The following MERTK variants were observed in gnomAD, a reference collection of about 807,000 sequenced individuals.
The protein encoded by MERTK is MER proto-oncogene, tyrosine kinase.
Under a neutral mutation model 99.3 loss-of-function variants are expected in MERTK, and 69 were observed. That is an observed-to-expected ratio of 0.70 (90% CI 0.57 to 0.85). The LOEUF is 0.85. Ranked by LOEUF, MERTK falls within the 40% of genes least tolerant of loss-of-function variation. The pLI is 0.00. For synonymous variants in MERTK, 426 were observed against 467.6 expected (o/e 0.91, Z 1.15); for missense variants, 1,125 against 1,249.4 (o/e 0.90, Z 1.50).
chr2:111,935,273 C>G (rs182529300), intron 2 of MERTK, among the ~76,000 whole-genome samples: 203 of 152,300 alleles, frequency 1.3e-3, no homozygotes, highest in African/African-American at 4.7e-3. Context: ...GCAAGTTGGG[C>G]AGACCTGGTC....
intron 17 of MERTK, 126 bp from the exon 18 acceptor site, chr2:112,022,132 T>C: frequency 1.5e-6 from 2 of 1,337,776 alleles, no homozygotes; most frequent in African/African-American, 1.4e-5. Context: ...GCAGTGCGTC[T>C]CACACATAAT....
At chr2:111,929,851 T>G (rs1419302742) in intron 2 of MERTK, among the ~76,000 whole-genome samples, 1 of 151,940 alleles carries the variant, frequency 6.6e-6, no homozygotes, top group Non-Finnish European at 1.5e-5. Flanking sequence ...TCCGGCCACC[T>G]AGGCCTCCCA....
At chr2:111,902,105 G>C (rs1035993570) in intron 1 of MERTK, among the ~76,000 whole-genome samples, 1 of 152,026 alleles carries the variant, frequency 6.6e-6, no homozygotes, top group Admixed American at 6.6e-5. Context: ...GGTTGGTCTC[G>C]AACTCCCAAC....
Position 112,029,187 on chromosome 2 carries a change from T to G in MERTK, c.*323T>G. On this transcript the variant is annotated 3_prime_UTR_variant, in exon 19 of 19. Coordinates refer to ENST00000295408, the MANE Select transcript of MERTK (RefSeq NM_006343.3). Reference sequence around the variant, plus strand: ...TAACATTTGTACAGAGTTGAAGTTGTTTTTTCAAGTTCTTTTCTTTTTCAT... The same window carrying G: ...TAACATTTGTACAGAGTTGAAGTTGGTTTTTCAAGTTCTTTTCTTTTTCAT... 9.9e-7 allele frequency: 1 copy of G among 1,014,376 alleles called. No homozygotes were observed. 62.8% of individuals were successfully genotyped at this position (1,014,376 alleles called of 1,614,324 possible).
At chr2:111,953,127 G>A (rs1685087031) in intron 4 of MERTK, among the ~76,000 whole-genome samples, 1 of 152,190 alleles carries the variant, frequency 6.6e-6, no homozygotes, top group Admixed American at 6.5e-5. Context: ...GCTTCTGAAT[G>A]TGGGTGTGCA....
At chr2:111,975,496 A>G (rs372879468) in intron 7 of MERTK, 24 bp downstream of exon 7, 12 of 1,609,918 alleles carry the variant, frequency 7.5e-6, no homozygotes, top group African/African-American at 6.7e-5. Flanking sequence ...TTCAGAATGT[A>G]TATTGCCCCC....
chr2:111,905,032 G>C (rs980693742), intron 1 of MERTK, among the ~76,000 whole-genome samples: 1 of 152,238 alleles, frequency 6.6e-6, no homozygotes, highest in Non-Finnish European at 1.5e-5. Flanking sequence ...TAAAAATGCA[G>C]CCTGGCAGGG....
intron 1 of MERTK, among the ~76,000 whole-genome samples, chr2:111,919,995 A>G (rs921114989): frequency 6.6e-6 from 1 of 151,858 alleles, no homozygotes; most frequent in Non-Finnish European, 1.5e-5. Flanking sequence ...CCCACTCTCC[A>G]TGCTGCTCTA....
At chr2:111,909,269 A>G (rs1457442322) in intron 1 of MERTK, among the ~76,000 whole-genome samples, 1 of 152,214 alleles carries the variant, frequency 6.6e-6, no homozygotes, top group Admixed American at 6.5e-5. Flanking sequence ...TAAGTTAAAT[A>G]TTAAAAGCTA....
At chr2:111,987,930 T>C (rs1676520679) in intron 8 of MERTK, among the ~76,000 whole-genome samples, 1 of 152,120 alleles carries the variant, frequency 6.6e-6, no homozygotes, top group Non-Finnish European at 1.5e-5. Context: ...GGTATAGATC[T>C]TGGAAGTCTC....
At chr2:112,019,154 G>C (rs1677279658) in intron 15 of MERTK, among the ~76,000 whole-genome samples, 1 of 152,106 alleles carries the variant, frequency 6.6e-6, no homozygotes, top group Non-Finnish European at 1.5e-5. Context: ...CTTCTAAAAA[G>C]AAACAATGTC....
chr2:111,903,246 A>G (rs1573557801), intron 1 of MERTK, among the ~76,000 whole-genome samples: 1 of 152,336 alleles, frequency 6.6e-6, no homozygotes, highest in East Asian at 1.9e-4. Context: ...ATGTCTTACC[A>G]GGTGCTCTTC....
At chr2:112,020,652 C>A (rs1256198375) in intron 16 of MERTK, 2 of 471,126 alleles carry the variant, frequency 4.2e-6, no homozygotes, top group South Asian at 3.1e-5. Context: ...GCTCTTACTG[C>A]AGGTAATTCC....
chr2:111,948,044 A>G (rs1243642531), intron 4 of MERTK, among the ~76,000 whole-genome samples: 1 of 152,034 alleles, frequency 6.6e-6, no homozygotes, highest in African/African-American at 2.4e-5. Context: ...ATCCAAATGA[A>G]AGTGGCCCAG....
chr2:112,006,451 A>G (rs1660222388), intron 13 of MERTK, among the ~76,000 whole-genome samples: 2 of 152,172 alleles, frequency 1.3e-5, no homozygotes, highest in African/African-American at 2.4e-5. Flanking sequence ...ACTGAGCCAT[A>G]TTCTGCACTG....
rs1021557500 is a variant in MERTK, at chr2:111,929,208, G to A, written c.150G>A (p.Leu50=). Residue 50 remains leucine (L), a synonymous_variant, in exon 2 of 19, where the codon CTG becomes CTA. Coordinates refer to ENST00000295408, the MANE Select transcript of MERTK (RefSeq NM_006343.3). ...PGSLQTDHTP[L]LSLPHASGYQ... ...GCCTGCAAACTGACCACACACCGCT[G>A]TTATCCCTTCCTCACGCCAGTGGGT... The A allele has an allele frequency of 6.2e-7, 1 of 1,614,170 alleles. No homozygotes were observed. The highest frequency in any genetic ancestry group is 8.5e-7 in the Non-Finnish European group (1 of 1,180,024).
At chr2:112,004,048 C>A in intron 13 of MERTK, 64 bp downstream of exon 13, 1 of 1,370,496 alleles carries the variant, frequency 7.3e-7, no homozygotes, top group African/African-American at 1.4e-5. Context: ...TTGGGTGCTC[C>A]ATGAGGCCAT....
chr2:111,993,065 G>A (rs529134303), intron 8 of MERTK, among the ~76,000 whole-genome samples: 3 of 152,268 alleles, frequency 2.0e-5, no homozygotes, highest in East Asian at 1.9e-4. Context: ...TGACTGATTG[G>A]TTTTTGGTAG....
At chr2:111,986,531 G>A (rs545163290) in intron 8 of MERTK, among the ~76,000 whole-genome samples, 1 of 152,236 alleles carries the variant, frequency 6.6e-6, no homozygotes, top group Non-Finnish European at 1.5e-5. Context: ...TTGGGTGAAA[G>A]CTGCTTTTCT....
Sources: gnomAD v4.1 joint callset for allele counts (sites outside exome capture counted in the v4.1 genomes callset) on GRCh38, gnomAD v4.1.1 for gene constraint, MANE v1.5 for transcripts, NCBI Gene and HGNC (gene_info 2026-07-23, HGNC 2026-07-21) for gene names.